Variants in TNKS observed in about 807,000 individuals in gnomAD.
TNKS encodes tankyrase.
In TNKS, 72 loss-of-function variants were observed where a neutral mutation model predicts 135.8. That is an observed-to-expected ratio of 0.53 (90% CI 0.44 to 0.64). The LOEUF (loss-of-function observed/expected upper bound fraction) is 0.64. Among genes scored for constraint, TNKS ranks in the 30% least tolerant of loss-of-function variants. The pLI is 0.00. For synonymous variants in TNKS, 849 were observed against 649.3 expected, an observed-to-expected ratio of 1.31 and a Z score of -4.68; for missense variants, 1,769 against 1,674.0, an observed-to-expected ratio of 1.06 and a Z score of -0.99.
At chr8:9,729,181 A>G (rs1805301085) in intron 13 of TNKS, among the ~76,000 whole-genome samples, 1 of 152,152 alleles carries the variant, frequency 6.6e-6, no homozygotes, top group Non-Finnish European at 1.5e-5. Context: ...TCTTTTAGAA[A>G]GGCCTTAAGC....
In TNKS at chr8:9,691,767, T is replaced by G. The variant is rs562593471; in HGVS notation, c.1107+10967T>G. 2.0e-3 allele frequency among the ~76,000 whole-genome samples: 305 copies of G among 152,348 alleles called. 1 individual carries two copies. Among genetic ancestry groups the G allele is most frequent in the Middle Eastern group, 3.4e-3 (1 of 294 alleles). On this transcript the variant is annotated intron_variant, in intron 5 of 26. Transcript: ENST00000310430. ...TTAGCTGTTATTTTTAATAAAATAT[T>G]GGTATTTAAAATTTTTTGTATATGC...
intron 5 of TNKS, among the ~76,000 whole-genome samples, chr8:9,700,227 G>A (rs1254185126): frequency 1.4e-4 from 22 of 152,088 alleles, no homozygotes; most frequent in Admixed American, 1.3e-3. Flanking sequence ...TCCTTAAAAT[G>A]TAGACTTCTG....
intron 2 of TNKS, among the ~76,000 whole-genome samples, chr8:9,590,028 G>C (rs1179894332): frequency 6.6e-6 from 1 of 152,208 alleles, no homozygotes; most frequent in African/African-American, 2.4e-5. Flanking sequence ...AAGAATTTCA[G>C]GTGGTGACAG....
intron 2 of TNKS, among the ~76,000 whole-genome samples, chr8:9,614,121 A>T (rs577710721): frequency 6.6e-6 from 1 of 152,338 alleles, no homozygotes; most frequent in African/African-American, 2.4e-5. Flanking sequence ...ACCTTTTATA[A>T]GCCAAATCTT....
At chr8:9,619,869 C>CT (rs2128767142) in intron 3 of TNKS, among the ~76,000 whole-genome samples, 1 of 150,530 alleles carries the variant, frequency 6.6e-6, no homozygotes, top group South Asian at 2.1e-4. Flanking sequence ...CCAGTGAGGA[C>CT]TTAAATGCTC....
At chr8:9,690,226 C>G (rs751559673) in intron 5 of TNKS, among the ~76,000 whole-genome samples, 43 of 152,166 alleles carry the variant, frequency 2.8e-4, no homozygotes, top group Non-Finnish European at 5.3e-4. Context: ...AATTCTTCTG[C>G]TGATTCTGAG....
chr8:9,601,787 C>G (rs1313056410), intron 2 of TNKS, among the ~76,000 whole-genome samples: 2 of 152,122 alleles, frequency 1.3e-5, no homozygotes, highest in Non-Finnish European at 2.9e-5. Context: ...ACTTAGAGAT[C>G]ATCTTTACTA....
At chr8:9,620,701 T>C (rs1799833320) in intron 3 of TNKS, among the ~76,000 whole-genome samples, 1 of 152,224 alleles carries the variant, frequency 6.6e-6, no homozygotes, top group Non-Finnish European at 1.5e-5. Flanking sequence ...TAACATAAGC[T>C]ATTTACTGAA....
chr8:9,619,956 ATT>A (rs397892862), intron 3 of TNKS, among the ~76,000 whole-genome samples: 1 of 141,726 alleles, frequency 7.1e-6, no homozygotes. Flanking sequence ...ATTTTTATTT[ATT>A]TTTTTTTTTT....
intron 26 of TNKS, among the ~76,000 whole-genome samples, chr8:9,775,898 A>C (rs1490571960): frequency 6.6e-6 from 1 of 151,866 alleles, no homozygotes; most frequent in African/African-American, 2.4e-5. Context: ...TATGTAGTCT[A>C]CTCACTAAGG....
Position 9,615,573 on chromosome 8 carries a change from C to G in TNKS, c.899-9C>G. The G allele has an allele frequency of 6.2e-7, 1 of 1,610,684 alleles. No homozygotes were observed. Among genetic ancestry groups the G allele is most frequent in the Non-Finnish European group, 8.5e-7 (1 of 1,178,194 alleles). ...GAGGTAAGATACTGTTTCTGCTTTC[C>G]CTGCACAGTGCTGCTGCAGCACGGA... On this transcript the variant is annotated splice_polypyrimidine_tract_variant and intron_variant, in intron 2 of 26. Coordinates refer to ENST00000310430, the MANE Select transcript of TNKS (RefSeq NM_003747.3).
At chr8:9,697,294 G>A (rs1202445754) in intron 5 of TNKS, among the ~76,000 whole-genome samples, 1 of 152,026 alleles carries the variant, frequency 6.6e-6, no homozygotes, top group Non-Finnish European at 1.5e-5. Context: ...ATATACAAAA[G>A]TTAACTCAAT....
intron 2 of TNKS, among the ~76,000 whole-genome samples, chr8:9,584,983 C>T (rs75707609): frequency 0.019 from 2,933 of 152,112 alleles, 70 homozygotes; most frequent in African/African-American, 0.067. Flanking sequence ...AAATAACAGC[C>T]CATCTCAGCC....
At chr8:9,740,199 C>T (rs1428999425) in intron 17 of TNKS, among the ~76,000 whole-genome samples, 2 of 152,096 alleles carry the variant, frequency 1.3e-5, no homozygotes, top group African/African-American at 4.8e-5. Context: ...AAGGCCCACT[C>T]AAGCCTGGCT....
intron 1 of TNKS, among the ~76,000 whole-genome samples, chr8:9,572,384 G>C (rs1055304277): frequency 1.3e-5 from 2 of 152,248 alleles, no homozygotes; most frequent in Admixed American, 1.3e-4. Flanking sequence ...TGTCCATGCT[G>C]TTTGGCACTC....
chr8:9,673,012 A>T (rs1802369797), intron 3 of TNKS, among the ~76,000 whole-genome samples: 1 of 152,112 alleles, frequency 6.6e-6, no homozygotes, highest in African/African-American at 2.4e-5. Flanking sequence ...CTAGAGGAAC[A>T]CCTCTTTTAC....
chr8:9,584,479 G>C (rs573262470), intron 2 of TNKS, among the ~76,000 whole-genome samples: 1 of 152,280 alleles, frequency 6.6e-6, no homozygotes, highest in South Asian at 2.1e-4. Flanking sequence ...CAGTGGCCTG[G>C]TCATAATGTT....
chr8:9,692,599 GAA>G lies in TNKS; in HGVS notation c.1107+11801_1107+11802del, dbSNP rs1246506381. On this transcript the variant is annotated intron_variant, in intron 5 of 26. Transcript: ENST00000310430. ...TGACCAAGAGGTCCAGGACCAGAGA[GAA>G]AGACTCGTAATGGGAGAGAAAACAT... 3.3e-5 allele frequency among the ~76,000 whole-genome samples: 5 copies of G among 152,166 alleles called. No individual in the cohort carries two copies. In the East Asian group the frequency reaches 9.6e-4, roughly 29 times the overall value.
At chr8:9,620,935 A>G (rs1799844600) in intron 3 of TNKS, among the ~76,000 whole-genome samples, 1 of 152,216 alleles carries the variant, frequency 6.6e-6, no homozygotes, top group Admixed American at 6.5e-5. Context: ...CCAGGACTCA[A>G]AAGAATACAT....
Sources: gnomAD v4.1 joint callset for allele counts (sites outside exome capture counted in the v4.1 genomes callset) on GRCh38, gnomAD v4.1.1 for gene constraint, MANE v1.5 for transcripts, NCBI Gene and HGNC (gene_info 2026-07-23, HGNC 2026-07-21) for gene names.